Variants in FBRSL1 observed in about 807,000 individuals in gnomAD.
The protein encoded by FBRSL1 is fibrosin like 1.
FBRSL1 carries 51 observed loss-of-function variants against 89.6 expected under a neutral mutation model. The observed-to-expected ratio is 0.57, with a 90% confidence interval of 0.45 to 0.72. FBRSL1 has a LOEUF of 0.72. Among genes scored for constraint, FBRSL1 ranks in the 30% least tolerant of loss-of-function variants. The pLI is 0.00. For missense variants in FBRSL1, 1,618 were observed against 1,451.8 expected, an observed-to-expected ratio of 1.11 and a Z score of -1.86; for synonymous variants, 779 against 681.1, an observed-to-expected ratio of 1.14 and a Z score of -2.24.
chr12:132,520,144 C>G (rs2035220879), intron 2 of FBRSL1, among the ~76,000 whole-genome samples: 1 of 150,380 alleles, frequency 6.6e-6, no homozygotes, highest in African/African-American at 2.5e-5. Flanking sequence ...ACCCCTCCAG[C>G]ACACCCTCCT....
chr12:132,510,868 C>T (rs1455407729), intron 2 of FBRSL1: 10 of 1,031,970 alleles, frequency 9.7e-6, no homozygotes, highest in South Asian at 4.6e-5. Flanking sequence ...CCAATACTGT[C>T]CTTGCATCTC....
chr12:132,503,366 T>A (rs2033268111), intron 1 of FBRSL1, among the ~76,000 whole-genome samples: 1 of 152,166 alleles, frequency 6.6e-6, no homozygotes, highest in African/African-American at 2.4e-5. Flanking sequence ...AAGTGAGGTG[T>A]CAGTGAGGCT....
chr12:132,563,412 CA>C (rs2039312820), intron 5 of FBRSL1, among the ~76,000 whole-genome samples: 2 of 146,300 alleles, frequency 1.4e-5, no homozygotes, highest in African/African-American at 5.1e-5. Flanking sequence ...CTGGTCCCCA[CA>C]GCCTGCACCC....
At chr12:132,527,466 G>A (rs2035879453) in intron 3 of FBRSL1, among the ~76,000 whole-genome samples, 3 of 152,216 alleles carry the variant, frequency 2.0e-5, no homozygotes, top group Admixed American at 1.3e-4. Flanking sequence ...ACCCCACCAC[G>A]ACGCCTAACT....
At chr12:132,511,084 T>G in intron 2 of FBRSL1, 3 of 985,648 alleles carry the variant, frequency 3.0e-6, no homozygotes, top group Non-Finnish European at 3.6e-6. Context: ...GCCCTCCCCC[T>G]GGTAGTCAGG....
At chr12:132,547,676 G>A (rs1421844636) in intron 4 of FBRSL1, among the ~76,000 whole-genome samples, 1 of 152,210 alleles carries the variant, frequency 6.6e-6, no homozygotes, top group Non-Finnish European at 1.5e-5. Flanking sequence ...GGTCTTCATG[G>A]CCGCCCTGCT....
chr12:132,530,708 C>A (rs1281174179), intron 4 of FBRSL1, among the ~76,000 whole-genome samples: 1 of 35,376 alleles, frequency 2.8e-5, no homozygotes, highest in African/African-American at 1.2e-4. Flanking sequence ...TGACAGATGG[C>A]GGGGTGGGGG....
intron 2 of FBRSL1, chr12:132,511,172 G>A: frequency 3.0e-6 from 3 of 985,486 alleles, no homozygotes; most frequent in Non-Finnish European, 3.6e-6. Context: ...GACCTGCAGG[G>A]GACCCGGAGG....
intron 1 of FBRSL1, among the ~76,000 whole-genome samples, chr12:132,494,629 GTT>G (rs2136328388): frequency 6.6e-6 from 1 of 152,376 alleles, no homozygotes; most frequent in Non-Finnish European, 1.5e-5. Context: ...CACCATTCTG[GTT>G]TGGTGTCTGT....
intron 1 of FBRSL1, among the ~76,000 whole-genome samples, chr12:132,493,301 A>C (rs2031414503): frequency 6.6e-6 from 1 of 151,940 alleles, no homozygotes; most frequent in Admixed American, 6.5e-5. Context: ...GGCTCTTCCT[A>C]CTCTGGGATG....
chr12:132,582,439 A>T (rs1382703945), intron 18 of FBRSL1, among the ~76,000 whole-genome samples, 173 bp downstream of exon 18: 1 of 75,230 alleles, frequency 1.3e-5, no homozygotes, highest in Non-Finnish European at 2.6e-5. Context: ...ATTCCCTCTC[A>T]CCCTCCTCGC....
At chr12:132,495,766 C>T (rs763041689) in intron 1 of FBRSL1, among the ~76,000 whole-genome samples, 4 of 152,208 alleles carry the variant, frequency 2.6e-5, no homozygotes, top group East Asian at 1.9e-4. Flanking sequence ...AAAGCAGCGT[C>T]GCTGGCCCCT....
rs564410045 is a variant in FBRSL1 at position 132,515,894 on chromosome 12, C to T, written c.489+7544C>T. 2.4e-4 allele frequency among the ~76,000 whole-genome samples: 26 copies of T among 107,128 alleles called. No homozygotes were observed. In the East Asian group the frequency reaches 4.3e-3, roughly 18 times the overall value. 70.3% of individuals were successfully genotyped at this position (107,128 alleles called of 152,430 possible). A position where few individuals can be genotyped will look rare whatever the true frequency, so the allele number is the denominator to read the frequency against. ...CAGCCTGGGCAACAGAGTGAGACTC[C>T]GTCTCAAAAAAAAAAAAAAAAAAAA... On this transcript the variant is annotated intron_variant, in intron 2 of 18. Coordinates refer to ENST00000680143, the MANE Select transcript of FBRSL1 (RefSeq NM_001367871.1).
chr12:132,530,115 C>T (rs541133121), intron 4 of FBRSL1, among the ~76,000 whole-genome samples: 108 of 151,964 alleles, frequency 7.1e-4, no homozygotes, highest in African/African-American at 2.5e-3. Context: ...CTCCTCTGCC[C>T]TTCCCATCGT....
At chr12:132,535,798 CGT>C (rs2036663624) in intron 4 of FBRSL1, among the ~76,000 whole-genome samples, 1 of 132,112 alleles carries the variant, frequency 7.6e-6, no homozygotes, top group South Asian at 2.6e-4. Flanking sequence ...TGATGGTGTG[CGT>C]GAGTGCACGT....
Position 132,583,521 on chromosome 12 carries a change from G to C in FBRSL1, c.2752G>C (p.Asp918His). The change falls in exon 19 of 19, where the codon GAC (aspartate) becomes CAC (histidine). Residue 918 changes from aspartate to histidine, a missense_variant. Asp to His is a moderately conservative substitution (Grantham distance 81). Coordinates refer to ENST00000680143, the MANE Select transcript of FBRSL1 (RefSeq NM_001367871.1). ...PHLPPAAPAL[D>H]GALLPSLGAL... ...CCTGCCGCCCGCCGCCCCCGCCTTG[G>C]ACGGCGCGCTGCTGCCCTCGCTGGG... 5 of 1,047,486 alleles carry C rather than the reference G, an allele frequency of 4.8e-6. No homozygotes were observed. Among genetic ancestry groups the C allele is most frequent in the Non-Finnish European group, 5.8e-6 (5 of 869,312 alleles). The allele number at this position is 1,047,486 out of a possible 1,614,324, so 64.9% of individuals were successfully genotyped here.
chr12:132,539,180 C>T (rs1268071529), intron 4 of FBRSL1, among the ~76,000 whole-genome samples: 1 of 152,126 alleles, frequency 6.6e-6, no homozygotes, highest in Non-Finnish European at 1.5e-5. Flanking sequence ...TTCCAGGCGC[C>T]TGCTCTTCCA....
rs758472858 is a variant in FBRSL1, at chr12:132,548,023, G to A, written c.636G>A (p.Pro212=). 8.2e-5 allele frequency: 127 copies of A among 1,550,046 alleles called. 1 individual carries two copies. The highest frequency in any genetic ancestry group is 2.7e-4 in the South Asian group (23 of 84,028). ...TGCAGTGTGACAGCGAGAGCGGCCC[G>A]GACGACAAGGTAAGCCCAGCGTCCT... ...RGYSCDSESG[P]DDKASVGSEK... is the part of the protein sequence containing the mutation. The change falls in exon 5 of 19, where the codon CCG becomes CCA. Residue 212 remains proline (P), a synonymous_variant. Coordinates refer to ENST00000680143, the MANE Select transcript of FBRSL1 (RefSeq NM_001367871.1).
intron 2 of FBRSL1, chr12:132,510,391 G>A (rs1037102296): frequency 1.9e-5 from 24 of 1,231,662 alleles, no homozygotes; most frequent in Middle Eastern, 6.2e-4. Flanking sequence ...CGGTGGACCC[G>A]ATCCTGTGCC....
Sources: gnomAD v4.1 joint callset for allele counts (sites outside exome capture counted in the v4.1 genomes callset) on GRCh38, gnomAD v4.1.1 for gene constraint, MANE v1.5 for transcripts, NCBI Gene and HGNC (gene_info 2026-07-23, HGNC 2026-07-21) for gene names.